Variants in SCD5 observed in about 807,000 individuals in gnomAD.
The protein encoded by SCD5 is stearoyl-CoA desaturase 5, also known as acyl-CoA-desaturase 4.
In SCD5, 20 loss-of-function variants were observed where a neutral mutation model predicts 30.4. That is an observed-to-expected ratio of 0.66 (90% CI 0.46 to 0.96). SCD5 has a LOEUF of 0.96. Among genes scored for constraint, SCD5 ranks in the 40% least tolerant of loss-of-function variants. The pLI is 0.00. For missense variants in SCD5, 381 were observed against 443.3 expected (o/e 0.86, Z 1.26); for synonymous variants, 173 against 176.4 (o/e 0.98, Z 0.16).
intron 2 of SCD5, among the ~76,000 whole-genome samples, chr4:82,681,523 A>G (rs1184588440): frequency 6.6e-6 from 1 of 152,162 alleles, no homozygotes; most frequent in African/African-American, 2.4e-5. Flanking sequence ...ATCCTTAGCA[A>G]ACTAATGCAG....
At chr4:82,739,253 G>A (rs72906447) in intron 1 of SCD5, among the ~76,000 whole-genome samples, 22,079 of 152,128 alleles carry the variant, frequency 0.15, 2,848 homozygotes, top group African/African-American at 0.35. Flanking sequence ...GGAAGGCAGT[G>A]GGGATGTGAA....
At chr4:82,797,334 T>C (rs1722247271) in intron 1 of SCD5, among the ~76,000 whole-genome samples, 1 of 152,224 alleles carries the variant, frequency 6.6e-6, no homozygotes, top group Non-Finnish European at 1.5e-5. Flanking sequence ...TATCAATGCC[T>C]GTGCCTTTTG....
At chr4:82,738,574 C>T (rs1046340002) in intron 1 of SCD5, among the ~76,000 whole-genome samples, 2 of 152,210 alleles carry the variant, frequency 1.3e-5, no homozygotes, top group African/African-American at 4.8e-5. Context: ...AGCCACTCAC[C>T]CATTCCTTCC....
chr4:82,671,677 A>G (rs1240357590), intron 3 of SCD5, among the ~76,000 whole-genome samples: 1 of 152,242 alleles, frequency 6.6e-6, no homozygotes, highest in African/African-American at 2.4e-5. Flanking sequence ...CAGGAGTTCG[A>G]AACCAGCCTA....
At chr4:82,764,159 C>T (rs917985911) in intron 1 of SCD5, among the ~76,000 whole-genome samples, 2 of 152,128 alleles carry the variant, frequency 1.3e-5, no homozygotes, top group African/African-American at 4.8e-5. Context: ...CCTCCTACAA[C>T]TATGTAAATT....
At chr4:82,713,843 T>C (rs2148830150) in intron 1 of SCD5, among the ~76,000 whole-genome samples, 1 of 152,328 alleles carries the variant, frequency 6.6e-6, no homozygotes. Flanking sequence ...CCTGCTCCGA[T>C]CACCTCACCC....
chr4:82,727,745 C>T (rs761600136), intron 1 of SCD5, among the ~76,000 whole-genome samples: 10 of 152,178 alleles, frequency 6.6e-5, no homozygotes, highest in Non-Finnish European at 1.5e-4. Context: ...CTCACTCTGT[C>T]GCCCAGACTG....
At chr4:82,653,595 C>T (rs17006028) in intron 3 of SCD5, among the ~76,000 whole-genome samples, 2 of 151,222 alleles carry the variant, frequency 1.3e-5, no homozygotes, top group African/African-American at 4.9e-5. Context: ...TGGCCCTCTG[C>T]TTGTAAGAGA....
intron 3 of SCD5, among the ~76,000 whole-genome samples, chr4:82,658,379 TTA>T (rs1413807025): frequency 6.6e-6 from 1 of 152,170 alleles, no homozygotes; most frequent in Non-Finnish European, 1.5e-5. Flanking sequence ...TTGGTTCTGT[TTA>T]TGTGATGGAT....
intron 2 of SCD5, among the ~76,000 whole-genome samples, chr4:82,690,736 G>C (rs1324277010): frequency 6.6e-6 from 1 of 152,052 alleles, no homozygotes; most frequent in Non-Finnish European, 1.5e-5. Context: ...AAATCAGACA[G>C]GTTTCTTTGA....
At chr4:82,768,927 C>T (rs549876694) in intron 1 of SCD5, among the ~76,000 whole-genome samples, 48 of 150,674 alleles carry the variant, frequency 3.2e-4, no homozygotes, top group Non-Finnish European at 5.6e-4. Context: ...ACTGAGACTG[C>T]CTTGAAACCT....
chr4:82,788,162 A>C (rs11721493), intron 1 of SCD5, among the ~76,000 whole-genome samples: 14,027 of 152,206 alleles, frequency 0.092, 801 homozygotes, highest in African/African-American at 0.16. Context: ...TCCTTACCAG[A>C]CGCCAATCTA....
At chr4:82,665,472 T>C (rs1180303598) in intron 3 of SCD5, among the ~76,000 whole-genome samples, 1 of 151,926 alleles carries the variant, frequency 6.6e-6, no homozygotes, top group African/African-American at 2.4e-5. Flanking sequence ...AAACATTACG[T>C]GCAGAGGGAT....
At chr4:82,769,076 C>G (rs1196943116) in intron 1 of SCD5, among the ~76,000 whole-genome samples, 1 of 152,042 alleles carries the variant, frequency 6.6e-6, no homozygotes, top group Non-Finnish European at 1.5e-5. Context: ...CTCCTCAACT[C>G]ACCATCTCCC....
chr4:82,773,416 C>T (rs935894802), intron 1 of SCD5, among the ~76,000 whole-genome samples: 1 of 152,170 alleles, frequency 6.6e-6, no homozygotes, highest in African/African-American at 2.4e-5. Flanking sequence ...AAGTAGCACA[C>T]ATCAGTCATT....
At chr4:82,683,227 C>A (rs2148822079) in intron 2 of SCD5, among the ~76,000 whole-genome samples, 1 of 152,296 alleles carries the variant, frequency 6.6e-6, no homozygotes, top group African/African-American at 2.4e-5. Context: ...TGTATTTAAA[C>A]ATGGTGGTTG....
At chr4:82,708,503 C>T (rs946333720) in intron 1 of SCD5, among the ~76,000 whole-genome samples, 2 of 152,156 alleles carry the variant, frequency 1.3e-5, no homozygotes, top group African/African-American at 4.8e-5. Flanking sequence ...ACACCTATGC[C>T]TGAAGCTATC....
At chr4:82,743,828 TTTG>T (rs1010316672) in intron 1 of SCD5, among the ~76,000 whole-genome samples, 2 of 152,022 alleles carry the variant, frequency 1.3e-5, no homozygotes, top group African/African-American at 4.8e-5. Context: ...CACTAACTTC[TTTG>T]TTGTTGTTGT....
chr4:82,642,769 C>T (rs1420685947), intron 3 of SCD5, among the ~76,000 whole-genome samples: 1 of 152,242 alleles, frequency 6.6e-6, no homozygotes. Flanking sequence ...GCTGAGCACC[C>T]ACTGCTGCAG....
Sources: gnomAD v4.1 joint callset for allele counts (sites outside exome capture counted in the v4.1 genomes callset) on GRCh38, gnomAD v4.1.1 for gene constraint, MANE v1.5 for transcripts, NCBI Gene and HGNC (gene_info 2026-07-23, HGNC 2026-07-21) for gene names.